The following MCTP2 variants were observed in gnomAD, a reference collection of about 807,000 sequenced individuals.
MCTP2 encodes multiple C2 and transmembrane domain containing 2.
Under a neutral mutation model 111.6 loss-of-function variants are expected in MCTP2, and 132 were observed. The observed-to-expected ratio is 1.18, with a 90% CI of 1.03 to 1.37. The LOEUF is 1.37. Ranked by LOEUF, MCTP2 falls within the 40% of genes most tolerant of loss-of-function variation. The pLI is 0.00. For missense variants in MCTP2, 1,183 were observed against 1,067.9 expected, an observed-to-expected ratio of 1.11 and a Z score of -1.50; for synonymous variants, 395 against 387.7, an observed-to-expected ratio of 1.02 and a Z score of -0.22.
chr15:94,467,909 A>G lies in MCTP2; in HGVS notation c.2361-2424A>G, dbSNP rs112317495. Reference sequence around the variant, plus strand: ...ATTCAAAATGTAGAAATTCAGAATAACAAAGATAGCATAATAAAGAAGGGA... The same window carrying G: ...ATTCAAAATGTAGAAATTCAGAATAGCAAAGATAGCATAATAAAGAAGGGA... On this transcript the variant is annotated intron_variant, in intron 20 of 22. Coordinates refer to ENST00000357742, the MANE Select transcript of MCTP2 (RefSeq NM_001385001.1). Among the ~76,000 whole-genome samples the G allele has an allele frequency of 5.5e-3, 831 of 152,336 alleles. 5 individuals are homozygous for G. The highest frequency in any genetic ancestry group is 0.019 in the African/African-American group (795 of 41,576).
At position 94,373,419 on chromosome 15, in the gene MCTP2, G is replaced by T. The variant is rs559902898; in HGVS notation, c.1582+3239G>T. 4.6e-5 allele frequency among the ~76,000 whole-genome samples: 7 copies of T among 152,234 alleles called. No individual in the cohort carries two copies. In the South Asian group the frequency reaches 1.4e-3, roughly 32 times the overall value. The stretch of plus-strand genomic sequence containing the variant: ...CAAATGTGTTGAAAGACATGAATAA[G>T]CCTAAATCTGTGTATATTACCAGGA... On this transcript the variant is annotated intron_variant, in intron 12 of 22. Transcript: ENST00000357742.
intron 1 of MCTP2, among the ~76,000 whole-genome samples, chr15:94,266,078 G>A (rs79462731): frequency 0.14 from 7,895 of 58,202 alleles, 275 homozygotes; most frequent in African/African-American, 0.32. Flanking sequence ...ATGCGTGTGC[G>A]CGCACACACA....
intron 20 of MCTP2, 111 bp from the exon 21 acceptor site, chr15:94,470,222 A>G: frequency 1.3e-6 from 1 of 796,958 alleles, no homozygotes; most frequent in Non-Finnish European, 2.0e-6. Context: ...TTTTTCCAAT[A>G]GACTGTAAAA....
chr15:94,474,598 C>T (rs1284923351), intron 21 of MCTP2, among the ~76,000 whole-genome samples: 1 of 152,114 alleles, frequency 6.6e-6, no homozygotes, highest in Non-Finnish European at 1.5e-5. Flanking sequence ...GTGGCTCACG[C>T]CTGTAATCCC....
intron 1 of MCTP2, among the ~76,000 whole-genome samples, chr15:94,242,895 G>GTA (rs2071084356): frequency 6.8e-6 from 1 of 147,622 alleles, no homozygotes; most frequent in African/African-American, 2.5e-5. Flanking sequence ...CTAAATATAT[G>GTA]TATATATATG....
intron 17 of MCTP2, among the ~76,000 whole-genome samples, chr15:94,406,919 A>G (rs2081930637): frequency 6.6e-6 from 1 of 151,636 alleles, no homozygotes; most frequent in South Asian, 2.1e-4. Context: ...GTAGAAGAGA[A>G]TAACCACCCC....
At chr15:94,293,352 C>T (rs925084822) in intron 1 of MCTP2, among the ~76,000 whole-genome samples, 1 of 152,132 alleles carries the variant, frequency 6.6e-6, no homozygotes, top group African/African-American at 2.4e-5. Flanking sequence ...ACTCTCATAA[C>T]TCAACAATAA....
chr15:94,467,630 A>T (rs2073499996), intron 20 of MCTP2, among the ~76,000 whole-genome samples: 1 of 151,670 alleles, frequency 6.6e-6, no homozygotes, highest in Admixed American at 6.6e-5. Flanking sequence ...TTATTTCGAG[A>T]TTTTTCAACA....
At chr15:94,290,514 A>C (rs1208736962) in intron 1 of MCTP2, among the ~76,000 whole-genome samples, 1 of 152,216 alleles carries the variant, frequency 6.6e-6, no homozygotes, top group African/African-American at 2.4e-5. Context: ...AAACAGAACA[A>C]GAAGGAAATG....
intron 2 of MCTP2, among the ~76,000 whole-genome samples, chr15:94,308,200 G>A (rs2075973281): frequency 6.6e-6 from 1 of 152,160 alleles, no homozygotes; most frequent in Admixed American, 6.5e-5. Context: ...GATCCATTGA[G>A]AGATGTTCCC....
chr15:94,311,051 G>A (rs2076111706), intron 2 of MCTP2, among the ~76,000 whole-genome samples: 1 of 144,432 alleles, frequency 6.9e-6, no homozygotes, highest in Non-Finnish European at 1.5e-5. Flanking sequence ...TTGAGATGGA[G>A]TCTCACTCTG....
chr15:94,441,719 A>C (rs2083792360), intron 18 of MCTP2, among the ~76,000 whole-genome samples: 1 of 152,258 alleles, frequency 6.6e-6, no homozygotes, highest in Non-Finnish European at 1.5e-5. Flanking sequence ...CATAGTGACG[A>C]AGTGATTTGC....
chr15:94,352,616 G>A (rs1042184436), intron 8 of MCTP2, among the ~76,000 whole-genome samples: 1 of 152,158 alleles, frequency 6.6e-6, no homozygotes, highest in South Asian at 2.1e-4. Flanking sequence ...CAGGTGGGGT[G>A]GCTTTCCCCT....
intron 4 of MCTP2, 40 bp from the exon 5 acceptor site, chr15:94,339,250 G>A (rs772959571): frequency 6.8e-7 from 1 of 1,475,746 alleles, no homozygotes; most frequent in Non-Finnish European, 9.2e-7. Context: ...GCTTTTACAT[G>A]TATTTTAAAA....
intron 1 of MCTP2, among the ~76,000 whole-genome samples, chr15:94,289,412 G>T (rs2074930104): frequency 6.6e-6 from 1 of 152,098 alleles, no homozygotes; most frequent in Non-Finnish European, 1.5e-5. Context: ...TATATTCTCA[G>T]ATTGGGAAAA....
chr15:94,244,333 T>G (rs1003369095), intron 1 of MCTP2, among the ~76,000 whole-genome samples: 1 of 149,248 alleles, frequency 6.7e-6, no homozygotes, highest in African/African-American at 2.4e-5. Flanking sequence ...CACATGTATA[T>G]ATACACGTAT....
chr15:94,467,074 A>G (rs577704447), intron 20 of MCTP2, among the ~76,000 whole-genome samples: 22 of 152,284 alleles, frequency 1.4e-4, no homozygotes, highest in African/African-American at 4.6e-4. Context: ...TAAATGATTT[A>G]TATGTATAAA....
At chr15:94,312,586 T>G (rs2076195389) in intron 2 of MCTP2, among the ~76,000 whole-genome samples, 1 of 152,220 alleles carries the variant, frequency 6.6e-6, no homozygotes, top group Non-Finnish European at 1.5e-5. Flanking sequence ...CTTGATCCTG[T>G]GCGAATTAAC....
chr15:94,283,341 G>A (rs1274667199), intron 1 of MCTP2, among the ~76,000 whole-genome samples: 1 of 152,214 alleles, frequency 6.6e-6, no homozygotes, highest in Non-Finnish European at 1.5e-5. Context: ...GCTGCCTAGA[G>A]GAGTATGCCA....
Sources: gnomAD v4.1 joint callset for allele counts (sites outside exome capture counted in the v4.1 genomes callset) on GRCh38, gnomAD v4.1.1 for gene constraint, MANE v1.5 for transcripts, NCBI Gene and HGNC (gene_info 2026-07-23, HGNC 2026-07-21) for gene names.